The following CFAP70 variants were observed in gnomAD, a reference collection of about 807,000 sequenced individuals.
CFAP70 encodes cilia- and flagella-associated protein 70.
Under a neutral mutation model 137.6 loss-of-function variants are expected in CFAP70, and 81 were observed. That is an observed-to-expected ratio of 0.59 (90% CI 0.49 to 0.71). The LOEUF is 0.71. Ranked by LOEUF, CFAP70 falls within the 30% of genes least tolerant of loss-of-function variation. The pLI is 0.00. For missense variants in CFAP70, 976 were observed against 1,226.7 expected, an observed-to-expected ratio of 0.80 and a Z score of 3.05; for synonymous variants, 382 against 423.6, an observed-to-expected ratio of 0.90 and a Z score of 1.20.
intron 9 of CFAP70, among the ~76,000 whole-genome samples, chr10:73,322,204 G>A (rs566192979): frequency 6.6e-6 from 1 of 152,238 alleles, no homozygotes; most frequent in Non-Finnish European, 1.5e-5. Context: ...ATGTGTATAT[G>A]TATGAAACCA....
At chr10:73,294,965 C>T (rs2048424931) in intron 15 of CFAP70, 1 of 152,330 alleles carries the variant, frequency 6.6e-6, no homozygotes, top group Admixed American at 6.5e-5. Flanking sequence ...TCAGCTTCTC[C>T]CACTCTGCTG....
exon 27 of CFAP70, chr10:73,254,049 A>G (rs772156332): frequency 1.3e-6 from 2 of 1,592,172 alleles, no homozygotes; most frequent in East Asian, 2.2e-5. Flanking sequence ...TCATCTTTCA[A>G]TTTCAGCTAC....
At chr10:73,298,808 G>A (rs2048724798) in intron 14 of CFAP70, 99 bp downstream of exon 15, 1 of 1,095,896 alleles carries the variant, frequency 9.1e-7, no homozygotes, top group Non-Finnish European at 1.3e-6. Context: ...AAAGGTAAGA[G>A]TATAGCTGAA....
In CFAP70 at chr10:73,275,260, T is replaced by C. The variant is rs544937213; in HGVS notation, c.2673+186A>G. On this transcript the variant is annotated intron_variant, in intron 22 of 26. Coordinates refer to ENST00000310715, the Ensembl canonical transcript of CFAP70. The surrounding 1 kb of genome is among the most constrained non-coding windows in gnomAD (Gnocchi z 4.0). ...TCCCAAAGTGCTGCGATTACAGTTGTGAGCCACCGCGCCCAGCCAACTCAT... is the reference window on the plus strand; with the variant it reads ...TCCCAAAGTGCTGCGATTACAGTTGCGAGCCACCGCGCCCAGCCAACTCAT... 30 of 463,514 alleles carry C rather than the reference T, an allele frequency of 6.5e-5. No individual in the cohort carries two copies. The highest frequency in any genetic ancestry group is 5.7e-4 in the African/African-American group (28 of 49,162). The allele number at this position is 463,514 out of a possible 1,614,324, so 28.7% of individuals were successfully genotyped here. A position where few individuals can be genotyped will look rare whatever the true frequency, so the allele number is the denominator to read the frequency against.
chr10:73,348,286 T>G (rs1564884455), intron 4 of CFAP70, 51 bp from the exon 5 acceptor site: 2 of 1,593,054 alleles, frequency 1.3e-6, no homozygotes, highest in Non-Finnish European at 1.7e-6. Flanking sequence ...TAAGTTGGGA[T>G]GACTGCAGGC....
chr10:73,335,627 T>C (rs2052566693), intron 6 of CFAP70, 103 bp from the exon 8 acceptor site: 1 of 697,524 alleles, frequency 1.4e-6, no homozygotes, highest in Non-Finnish European at 2.3e-6. Flanking sequence ...ATACTTTTCT[T>C]AGTATTATTA....
Position 73,335,427 on chromosome 10 carries a change from T to C in CFAP70, c.677+3A>G, listed in dbSNP as rs755287748. On this transcript the variant is annotated splice_donor_region_variant and intron_variant, in intron 7 of 26. Coordinates refer to ENST00000310715, the Ensembl canonical transcript of CFAP70. ...AGACATATGTCCTTCCTCTTCTTCT[T>C]ACCTGACCACTGCAGAAGGATCAAG... 1.9e-6 allele frequency: 3 copies of C among 1,605,304 alleles called. No homozygotes were observed. Among genetic ancestry groups the C allele is most frequent in the South Asian group, 2.2e-5 (2 of 90,130 alleles).
chr10:73,342,177 T>C (rs953815790), intron 5 of CFAP70, among the ~76,000 whole-genome samples: 2 of 152,306 alleles, frequency 1.3e-5, no homozygotes, highest in African/African-American at 4.8e-5. Context: ...AAGGGGAAAT[T>C]AGAACATCCA....
chr10:73,256,234 T>C, intron 26 of CFAP70, 135 bp downstream of exon 27: 1 of 963,986 alleles, frequency 1.0e-6, no homozygotes, highest in Non-Finnish European at 1.6e-6. Context: ...AGCCCCACGA[T>C]AATGGCAAAG....
At chr10:73,289,887 A>G (rs912725029) in intron 19 of CFAP70, among the ~76,000 whole-genome samples, 2 of 152,142 alleles carry the variant, frequency 1.3e-5, no homozygotes, top group South Asian at 4.2e-4. Context: ...CTCTACTAAA[A>G]ATACAAAATT....
intron 19 of CFAP70, among the ~76,000 whole-genome samples, chr10:73,289,474 C>A (rs1435077555): frequency 6.6e-6 from 1 of 151,734 alleles, no homozygotes; most frequent in African/African-American, 2.4e-5. Context: ...TTGGTAGAGA[C>A]AGGGTTTCAC....
At chr10:73,340,216 G>C (rs945987916) in intron 6 of CFAP70, among the ~76,000 whole-genome samples, 1 of 152,108 alleles carries the variant, frequency 6.6e-6, no homozygotes, top group African/African-American at 2.4e-5. Flanking sequence ...GCTCTCAGCA[G>C]ACAGGATACC....
intron 6 of CFAP70, among the ~76,000 whole-genome samples, chr10:73,337,367 T>C (rs1267758766): frequency 2.6e-5 from 4 of 151,892 alleles, no homozygotes; most frequent in Admixed American, 1.3e-4. Flanking sequence ...GCCTGTAATC[T>C]CAGCTATTCA....
At chr10:73,327,104 C>A (rs1270969439) in intron 8 of CFAP70, among the ~76,000 whole-genome samples, 7 of 148,202 alleles carry the variant, frequency 4.7e-5, no homozygotes, top group African/African-American at 1.0e-4. Flanking sequence ...TACTGGCAAA[C>A]CGAATCCAGC....
upstream of CFAP70, among the ~76,000 whole-genome samples, chr10:73,360,086 C>A (rs1409993200): frequency 6.6e-6 from 1 of 152,122 alleles, no homozygotes; most frequent in African/African-American, 2.4e-5. Flanking sequence ...ATTGTTAGGA[C>A]GGTGGGAAAA....
chr10:73,274,466 C>A (rs747499840), exon 23 of CFAP70: 1 of 1,613,770 alleles, frequency 6.2e-7, no homozygotes, highest in Non-Finnish European at 8.5e-7. Context: ...GCCCCAGTCT[C>A]AGGAAGATGA....
chr10:73,259,115 T>C (rs12264868), intron 25 of CFAP70, among the ~76,000 whole-genome samples: 15,949 of 152,156 alleles, frequency 0.1, 1,193 homozygotes, highest in East Asian at 0.29. Flanking sequence ...TTTTGTGGCT[T>C]GGGGCATCAC....
At chr10:73,316,492 A>ATATC (rs1469461816) in intron 9 of CFAP70, among the ~76,000 whole-genome samples, 1 of 114,830 alleles carries the variant, frequency 8.7e-6, no homozygotes, top group African/African-American at 3.6e-5. Flanking sequence ...ATATAGATAT[A>ATATC]TATATATATA....
At chr10:73,330,449 C>CA (rs745806193) in intron 8 of CFAP70, among the ~76,000 whole-genome samples, 2,388 of 69,032 alleles carry the variant, frequency 0.035, 28 homozygotes, top group Non-Finnish European at 0.061. Flanking sequence ...GACTCCATCA[C>CA]AAAAAAAAAA....
Sources: allele counts gnomAD v4.1 joint callset (sites outside exome capture counted in the v4.1 genomes callset), GRCh38; gene constraint gnomAD v4.1.1; non-coding constraint Gnocchi (gnomAD v3.1); transcripts MANE v1.5; gene names NCBI Gene and HGNC (gene_info 2026-07-23, HGNC 2026-07-21).